Variants in RBL1 observed in about 807,000 individuals in gnomAD.
The protein encoded by RBL1 is RB transcriptional corepressor like 1.
RBL1 carries 82 observed loss-of-function variants against 123.0 expected under a neutral mutation model. The ratio of observed to expected loss-of-function variants is 0.67; its 90% CI spans 0.56 to 0.80. The LOEUF is 0.80. Ranked by LOEUF, RBL1 falls within the 30% of genes least tolerant of loss-of-function variation. The pLI, the probability that RBL1 is intolerant of heterozygous loss-of-function variation, is 0.00. For synonymous variants in RBL1, 405 were observed against 441.3 expected, an observed-to-expected ratio of 0.92 and a Z score of 1.03; for missense variants, 1,171 against 1,299.6, an observed-to-expected ratio of 0.90 and a Z score of 1.52.
chr20:37,065,200 T>C (rs747017020), intron 7 of RBL1, among the ~76,000 whole-genome samples: 1 of 152,224 alleles, frequency 6.6e-6, no homozygotes, highest in Admixed American at 6.5e-5. Flanking sequence ...TCCAAAGTGA[T>C]GGGTTTACAG....
At chr20:37,061,035 A>T in intron 9 of RBL1, 68 bp downstream of exon 9, 1 of 1,418,966 alleles carries the variant, frequency 7.0e-7, no homozygotes, top group Non-Finnish European at 9.4e-7. Context: ...TGAATATACT[A>T]AAAATAGAAT....
intron 11 of RBL1, among the ~76,000 whole-genome samples, chr20:37,050,906 G>A (rs945376591): frequency 2.0e-5 from 3 of 151,758 alleles, no homozygotes; most frequent in African/African-American, 7.3e-5. Context: ...GAATGTCACT[G>A]GACTTCTCAT....
At chr20:37,057,888 G>A (rs1232448519) in intron 9 of RBL1, among the ~76,000 whole-genome samples, 2 of 152,060 alleles carry the variant, frequency 1.3e-5, no homozygotes, top group African/African-American at 4.8e-5. Flanking sequence ...CACTTTGGGA[G>A]GCCAGGGTGG....
At chr20:36,998,951 G>T in intron 21 of RBL1, 22 bp from the exon 22 acceptor site, 4 of 1,598,488 alleles carry the variant, frequency 2.5e-6, no homozygotes, top group Non-Finnish European at 3.4e-6. Context: ...TAGAGAACGT[G>T]TGTGAGTAAA....
intron 9 of RBL1, among the ~76,000 whole-genome samples, chr20:37,057,913 G>T (rs1346914179): frequency 1.3e-5 from 2 of 151,830 alleles, no homozygotes; most frequent in Non-Finnish European, 2.9e-5. Flanking sequence ...ATCACCTGAG[G>T]TCAGGAGTTC....
chr20:37,061,320 T>C (rs745401137), intron 8 of RBL1, 51 bp from the exon 9 acceptor site: 31 of 1,586,788 alleles, frequency 2.0e-5, no homozygotes, highest in African/African-American at 1.2e-4. Flanking sequence ...ATCTTCCTTA[T>C]TATGTGTTTA....
At chr20:37,000,903 G>A (rs2063964740) in intron 21 of RBL1, among the ~76,000 whole-genome samples, 3 of 142,702 alleles carry the variant, frequency 2.1e-5, no homozygotes, top group African/African-American at 5.2e-5. Flanking sequence ...AGGTGGGGGG[G>A]TCAGCCCCCC....
intron 2 of RBL1, among the ~76,000 whole-genome samples, chr20:37,075,122 A>G (rs2065343877): frequency 6.6e-6 from 1 of 152,244 alleles, no homozygotes; most frequent in Non-Finnish European, 1.5e-5. Context: ...ACCACATATT[A>G]TACGATTCCA....
intron 13 of RBL1, among the ~76,000 whole-genome samples, chr20:37,043,162 GCACACA>G (rs147834827): frequency 1.4e-5 from 2 of 147,806 alleles, no homozygotes. Context: ...ATGCGCGCGT[GCACACA>G]CACACACACA....
chr20:37,043,440 G>A (rs369521678), intron 13 of RBL1, among the ~76,000 whole-genome samples: 11 of 151,416 alleles, frequency 7.3e-5, no homozygotes, highest in Non-Finnish European at 1.2e-4. Context: ...GCAGTGAGCC[G>A]AGACTGTGCC....
chr20:37,088,958 T>C (rs2065601363), intron 2 of RBL1, 31 bp downstream of exon 2: 2 of 1,446,354 alleles, frequency 1.4e-6, no homozygotes, highest in Non-Finnish European at 1.8e-6. Context: ...TTAGAGCTTA[T>C]ATAACATTTA....
intron 18 of RBL1, among the ~76,000 whole-genome samples, chr20:37,019,011 C>G (rs1217625975): frequency 1.3e-5 from 2 of 151,920 alleles, no homozygotes; most frequent in Admixed American, 6.6e-5. Context: ...CCTCCTTCTT[C>G]TTAATTCCTT....
chr20:37,095,390 T>C (rs1264778479), intron 1 of RBL1, among the ~76,000 whole-genome samples: 3 of 152,182 alleles, frequency 2.0e-5, no homozygotes, highest in South Asian at 4.1e-4. Flanking sequence ...CAGACGGAAC[T>C]GAGGGTCCAT....
intron 1 of RBL1, among the ~76,000 whole-genome samples, 192 bp from the exon 2 acceptor site, chr20:37,089,314 A>G (rs2065609108): frequency 6.6e-6 from 1 of 152,154 alleles, no homozygotes; most frequent in Non-Finnish European, 1.5e-5. Flanking sequence ...CCTTACTCTT[A>G]GTTCTGTGTT....
At chr20:37,094,164 T>C (rs2146343082) in intron 1 of RBL1, among the ~76,000 whole-genome samples, 1 of 152,314 alleles carries the variant, frequency 6.6e-6, no homozygotes, top group Admixed American at 6.5e-5. Context: ...GGTGCATGCC[T>C]TGACCATAGT....
chr20:37,058,151 AAG>A, intron 9 of RBL1, among the ~76,000 whole-genome samples: 1 of 150,370 alleles, frequency 6.7e-6, no homozygotes, highest in African/African-American at 2.4e-5. Flanking sequence ...AAAAAAAAAA[AAG>A]CCTATTCCAG....
At chr20:37,087,345 A>G (rs1260278674) in intron 2 of RBL1, among the ~76,000 whole-genome samples, 1 of 151,796 alleles carries the variant, frequency 6.6e-6, no homozygotes, top group Non-Finnish European at 1.5e-5. Context: ...AAAAAAAAAA[A>G]GGCTGAGGCA....
chr20:37,095,960 C>G lies in RBL1; in HGVS notation c.-32G>C, dbSNP rs1388742511. 3 of 1,459,560 alleles carry G rather than the reference C, an allele frequency of 2.1e-6. No homozygotes were observed. The highest frequency in any genetic ancestry group is 2.2e-5 in the Admixed American group (1 of 45,308). The allele number at this position is 1,459,560 out of a possible 1,614,324, so 90.4% of individuals were successfully genotyped here. ...AGGCCCCGCGGGCTGCGCGCCACGG[C>G]CCCCGACTTCTTTCTCCCTCCCAGG... On this transcript the variant is annotated 5_prime_UTR_variant, in exon 1 of 22. Transcript: ENST00000373664.
chr20:37,037,720 G>C (rs1160561742), intron 14 of RBL1, among the ~76,000 whole-genome samples: 4 of 151,150 alleles, frequency 2.6e-5, no homozygotes, highest in Non-Finnish European at 4.4e-5. Context: ...CTGTCGACCA[G>C]GCTGGAGTGC....
Sources: gnomAD v4.1 joint callset for allele counts (sites outside exome capture counted in the v4.1 genomes callset) on GRCh38, gnomAD v4.1.1 for gene constraint, MANE v1.5 for transcripts, NCBI Gene and HGNC (gene_info 2026-07-23, HGNC 2026-07-21) for gene names.